The following CELF2 variants were observed in gnomAD, a reference collection of about 807,000 sequenced individuals.
CELF2 encodes CUG triplet repeat RNA-binding protein 2.
In CELF2, 8 loss-of-function variants were observed where a neutral mutation model predicts 62.6. That is an observed-to-expected ratio of 0.13 (90% CI 0.07 to 0.23). The LOEUF (loss-of-function observed/expected upper bound fraction) is 0.23, where lower values mean the gene tolerates loss of function less well. Ranked by LOEUF, CELF2 falls within the 10% of genes least tolerant of loss-of-function variation. CELF2 has a pLI of 1.00. For missense variants in CELF2, 333 were observed against 671.0 expected (o/e 0.50, Z 5.56); for synonymous variants, 258 against 250.0 (o/e 1.03, Z -0.30).
the CELF2 span, among the ~76,000 whole-genome samples, chr10:10,515,202 T>C: frequency 6.6e-6 from 1 of 152,182 alleles, no homozygotes; most frequent in Non-Finnish European, 1.5e-5. Flanking sequence ...TGGCACCTGA[T>C]CGCCTTTTAT....
intron 2 of CELF2, among the ~76,000 whole-genome samples, chr10:11,179,541 A>G (rs1360566557): frequency 6.6e-6 from 1 of 152,060 alleles, no homozygotes; most frequent in Non-Finnish European, 1.5e-5. Flanking sequence ...TAACTTACCC[A>G]TTTTTACAGT....
the CELF2 span, among the ~76,000 whole-genome samples, chr10:10,720,064 G>C: frequency 2.3e-4 from 35 of 152,086 alleles, no homozygotes; most frequent in African/African-American, 8.5e-4. Context: ...GATCCACTTG[G>C]GCTGCGTTTC....
At position 11,334,099 on chromosome 10, in the gene CELF2, A is replaced by T. The variant is rs1045905428; in HGVS notation, c.*5046A>T. 1.3e-5 allele frequency: 2 copies of T among 152,574 alleles called. No individual in the cohort carries two copies. Among genetic ancestry groups the T allele is most frequent in the African/African-American group, 4.8e-5 (2 of 41,434 alleles). 9.5% of individuals were successfully genotyped at this position (152,574 alleles called of 1,614,324 possible). A position where few individuals can be genotyped will look rare whatever the true frequency, so the allele number is the denominator to read the frequency against. Reference sequence around the variant, plus strand: ...TCTTAAAATAACAGCGGTAAGTTTCACTTTTTATTCTGTATTGTGCAGTTA... The same window carrying T: ...TCTTAAAATAACAGCGGTAAGTTTCTCTTTTTATTCTGTATTGTGCAGTTA... On this transcript the variant is annotated 3_prime_UTR_variant, in exon 13 of 13. Coordinates refer to ENST00000633077, the MANE Select transcript of CELF2 (RefSeq NM_001326342.2).
the CELF2 span, among the ~76,000 whole-genome samples, chr10:10,574,997 C>CTGGCATAAA: frequency 2.0e-5 from 3 of 151,536 alleles, no homozygotes; most frequent in Non-Finnish European, 4.4e-5. Context: ...GCATTACAGG[C>CTGGCATAAA]GTGAGCCACC....
the CELF2 span, among the ~76,000 whole-genome samples, chr10:10,522,776 C>G: frequency 6.6e-6 from 1 of 152,130 alleles, no homozygotes; most frequent in Non-Finnish European, 1.5e-5. Flanking sequence ...CATCATATTG[C>G]TCAGGCTGGC....
At position 11,137,305 on chromosome 10, in the gene CELF2, T is replaced by C. The variant is rs762152638; in HGVS notation, c.75-28181T>C. On this transcript the variant is annotated intron_variant, in intron 1 of 12. Coordinates refer to ENST00000633077, the MANE Select transcript of CELF2 (RefSeq NM_001326342.2). ...GTTAGAAATGTTCTATTTAATACTTTTCAGTAGATCTTCTGGAGTTAGCCC... is the reference window on the plus strand; with the variant it reads ...GTTAGAAATGTTCTATTTAATACTTCTCAGTAGATCTTCTGGAGTTAGCCC... Among the ~76,000 whole-genome samples the C allele has an allele frequency of 9.9e-4, 150 of 152,214 alleles. 2 individuals carry two copies. Among genetic ancestry groups the C allele is most frequent in the Non-Finnish European group, 4.3e-4 (29 of 68,018 alleles).
the CELF2 span, among the ~76,000 whole-genome samples, chr10:10,576,362 A>G: frequency 1.3e-5 from 2 of 152,220 alleles, no homozygotes; most frequent in Non-Finnish European, 2.9e-5. Context: ...TCCAATAAGC[A>G]TAAATACTAG....
At chr10:11,170,790 T>A (rs1322795748) in intron 2 of CELF2, among the ~76,000 whole-genome samples, 1 of 152,190 alleles carries the variant, frequency 6.6e-6, no homozygotes, top group Non-Finnish European at 1.5e-5. Flanking sequence ...AGATAAATTA[T>A]GTGCTTTGGA....
chr10:10,512,831 T>C, the CELF2 span, among the ~76,000 whole-genome samples: 16 of 152,198 alleles, frequency 1.1e-4, no homozygotes, highest in African/African-American at 3.9e-4. Context: ...TCGTTTGGCA[T>C]CAGAAGATTT....
At chr10:11,264,064 T>C (rs2081491485) in intron 5 of CELF2, among the ~76,000 whole-genome samples, 1 of 152,206 alleles carries the variant, frequency 6.6e-6, no homozygotes, top group Admixed American at 6.5e-5. Flanking sequence ...CCACTGCCAA[T>C]AGAATTAAAA....
Position 11,255,777 on chromosome 10 carries a change from T to A in CELF2, c.404-1961T>A, listed in dbSNP as rs2078554110. Among the ~76,000 whole-genome samples, 1 of 152,126 alleles carries A rather than the reference T, an allele frequency of 6.6e-6. No individual in the cohort carries two copies. The highest frequency in any genetic ancestry group is 2.1e-4 in the South Asian group (1 of 4,826). On this transcript the variant is annotated intron_variant, in intron 4 of 12. Transcript: ENST00000633077. This position sits in a 1 kb window ranked among gnomAD's most constrained non-coding sequence, Gnocchi z 5.5. ...CTAGGAGAGAAAAGAGTCTAAACTT[T>A]CATTCCATGGATGACAAAACAGAGG... is the stretch of plus-strand genomic sequence containing the variant.
intron 2 of CELF2, among the ~76,000 whole-genome samples, chr10:11,172,822 A>G (rs1237068655): frequency 6.6e-6 from 1 of 152,240 alleles, no homozygotes; most frequent in Non-Finnish European, 1.5e-5. Context: ...GACTTCAGCT[A>G]GTCCCCAGTC....
the CELF2 span, among the ~76,000 whole-genome samples, chr10:10,602,523 A>T: frequency 6.6e-6 from 1 of 152,164 alleles, no homozygotes; most frequent in African/African-American, 2.4e-5. Context: ...GTGATGTGAC[A>T]ATCCTTTATA....
chr10:10,657,920 C>A, the CELF2 span, among the ~76,000 whole-genome samples: 3 of 152,272 alleles, frequency 2.0e-5, no homozygotes, highest in East Asian at 5.8e-4. Flanking sequence ...TTAAGGCTTG[C>A]TTTGCCCTGT....
the CELF2 span, among the ~76,000 whole-genome samples, chr10:10,602,341 C>A: frequency 1.3e-5 from 2 of 151,998 alleles, no homozygotes; most frequent in East Asian, 1.9e-4. Context: ...ATCTTTGAAC[C>A]CTGGTTACAA....
intron 1 of CELF2, among the ~76,000 whole-genome samples, chr10:10,882,819 G>A (rs2061518402): frequency 1.3e-5 from 2 of 152,074 alleles, no homozygotes; most frequent in East Asian, 3.8e-4. Context: ...AAAAAATCAA[G>A]TTCTGGGTGC....
At chr10:11,206,978 A>G (rs1003738606) in intron 2 of CELF2, among the ~76,000 whole-genome samples, 9 of 152,224 alleles carry the variant, frequency 5.9e-5, no homozygotes, top group African/African-American at 1.9e-4. Flanking sequence ...ATCGGGGGAA[A>G]AAAGGATGAT....
chr10:10,954,059 G>T (rs191339504), intron 2 of CELF2, among the ~76,000 whole-genome samples: 4 of 151,698 alleles, frequency 2.6e-5, no homozygotes, highest in Admixed American at 6.6e-5. Context: ...AAACTCCATC[G>T]TGATACCACT....
chr10:11,020,455 A>G (rs1228788093), intron 1 of CELF2, among the ~76,000 whole-genome samples: 1 of 152,156 alleles, frequency 6.6e-6, no homozygotes, highest in Non-Finnish European at 1.5e-5. Context: ...ACAAGTTGAA[A>G]ATGCCTGAAA....
Sources: gnomAD v4.1 joint callset for allele counts (sites outside exome capture counted in the v4.1 genomes callset) on GRCh38, gnomAD v4.1.1 for gene constraint, Gnocchi (gnomAD v3.1) non-coding constraint, MANE v1.5 for transcripts, NCBI Gene and HGNC (gene_info 2026-07-23, HGNC 2026-07-21) for gene names.